Variants in DNAAF11 observed in about 807,000 individuals in gnomAD.
DNAAF11 encodes leucine rich repeat containing 6.
DNAAF11 carries 45 observed loss-of-function variants against 60.8 expected under a neutral mutation model. The observed-to-expected ratio is 0.74, with a 90% CI of 0.58 to 0.95. The LOEUF (loss-of-function observed/expected upper bound fraction) is 0.95, where lower values mean the gene tolerates loss of function less well. Ranked by LOEUF, DNAAF11 falls within the 40% of genes least tolerant of loss-of-function variation. The probability of loss-of-function intolerance (pLI) is 0.00; values close to 1 mark genes in which losing one functional copy is unlikely to be tolerated. For synonymous variants in DNAAF11, 191 were observed against 183.5 expected (o/e 1.04, Z -0.33); for missense variants, 546 against 546.2 (o/e 1.00, Z 0.00).
Position 132,648,982 on chromosome 8 carries a change from A to C in DNAAF11, c.256+7848T>G, listed in dbSNP as rs574489026. On this transcript the variant is annotated intron_variant, in intron 3 of 11. Transcript: ENST00000620350. ...TGCCATCCCCATCAAGCTACCAATGACTTTCTTCACAGAATTGGAAAAAAC... is the reference window on the plus strand; with the variant it reads ...TGCCATCCCCATCAAGCTACCAATGCCTTTCTTCACAGAATTGGAAAAAAC... Among the ~76,000 whole-genome samples the C allele has an allele frequency of 3.7e-3, 563 of 152,314 alleles. 4 individuals are homozygous for C. The highest frequency in any genetic ancestry group is 6.9e-3 in the Non-Finnish European group (467 of 68,026).
chr8:132,609,558 C>T lies in DNAAF11; in HGVS notation c.1140+608G>A, dbSNP rs1013016771. ...TTCAGCTAAACTGACCTAAGAAGTT[C>T]CAGAGGAACTTCTGTTTCATTGTGA... On this transcript the variant is annotated intron_variant, in intron 10 of 11. Transcript: ENST00000620350. 2.5e-4 allele frequency among the ~76,000 whole-genome samples: 38 copies of T among 152,154 alleles called. 1 individual carries two copies. The highest frequency in any genetic ancestry group is 7.9e-4 in the African/African-American group (33 of 41,514).
At chr8:132,639,985 A>G (rs1207663079) in intron 3 of DNAAF11, among the ~76,000 whole-genome samples, 2 of 152,348 alleles carry the variant, frequency 1.3e-5, no homozygotes, top group African/African-American at 2.4e-5. Flanking sequence ...GGCAATGCCC[A>G]TTAGACATTG....
chr8:132,644,444 G>C (rs889348162), intron 3 of DNAAF11, among the ~76,000 whole-genome samples: 2 of 152,122 alleles, frequency 1.3e-5, no homozygotes, highest in Non-Finnish European at 2.9e-5. Context: ...GGTGATTTCT[G>C]CATTTCCAAC....
rs184541660 is a variant in DNAAF11, at chr8:132,645,945, T to A, written c.257-7838A>T. Reference sequence around the variant, plus strand: ...ATTATCCAGGAGAACTTCCCCAACCTAGCAAGGTAGGACAACATTCAAATC... The same window carrying A: ...ATTATCCAGGAGAACTTCCCCAACCAAGCAAGGTAGGACAACATTCAAATC... On this transcript the variant is annotated intron_variant, in intron 3 of 11. Transcript: ENST00000620350. Among the ~76,000 whole-genome samples the A allele has an allele frequency of 7.5e-4, 114 of 152,280 alleles. 1 individual carries two copies. The highest frequency in any genetic ancestry group is 2.6e-3 in the African/African-American group (109 of 41,564).
chr8:132,637,852 C>T, intron 4 of DNAAF11, 83 bp downstream of exon 4: 1 of 1,173,674 alleles, frequency 8.5e-7, no homozygotes, highest in Non-Finnish European at 1.2e-6. Context: ...AACACATTCA[C>T]TGTTGCTGCC....
the DNAAF11 span, among the ~76,000 whole-genome samples, chr8:132,695,629 A>G: frequency 6.6e-6 from 1 of 152,144 alleles, no homozygotes; most frequent in African/African-American, 2.4e-5. Flanking sequence ...ATAAGTATGA[A>G]ATAATCACCC....
In DNAAF11 at chr8:132,622,679, C is replaced by CT. The variant is rs1391729028; in HGVS notation, c.845dup (p.Lys283GlufsTer12). On this transcript the variant is annotated frameshift_variant, in exon 7 of 12. Transcript: ENST00000620350. LOFTEE classifies it high-confidence loss of function. ...AAGTCCTGGGTGGTTTCACTTTCTT[C>CT]TTTTTTTCACTTAAGATTGGTGGTG... 2 of 1,612,232 alleles carry CT rather than the reference C, an allele frequency of 1.2e-6. No homozygotes were observed. Among genetic ancestry groups the CT allele is most frequent in the Non-Finnish European group, 1.7e-6 (2 of 1,178,660 alleles).
the DNAAF11 span, among the ~76,000 whole-genome samples, chr8:132,685,498 G>A: frequency 4.6e-5 from 7 of 152,202 alleles, no homozygotes; most frequent in South Asian, 8.3e-4. Context: ...ACTGTCAGTC[G>A]TCTTCTTTGA....
At chr8:132,584,128 G>C (rs1815635493) in intron 10 of DNAAF11, among the ~76,000 whole-genome samples, 1 of 152,064 alleles carries the variant, frequency 6.6e-6, no homozygotes, top group Non-Finnish European at 1.5e-5. Context: ...ACTGCCTTTG[G>C]GGTGCTCCTA....
chr8:132,645,147 G>A (rs1009547553), intron 3 of DNAAF11, among the ~76,000 whole-genome samples: 1 of 152,172 alleles, frequency 6.6e-6, no homozygotes, highest in African/African-American at 2.4e-5. Flanking sequence ...CCAGAGGTAG[G>A]ATCAGGCAGC....
At chr8:132,682,456 G>A in the DNAAF11 span, among the ~76,000 whole-genome samples, 2 of 152,126 alleles carry the variant, frequency 1.3e-5, no homozygotes, top group African/African-American at 4.8e-5. Context: ...ATGCCACAAG[G>A]AACAGAAAAA....
upstream of DNAAF11, among the ~76,000 whole-genome samples, chr8:132,676,596 C>G (rs538309735): frequency 2.6e-5 from 4 of 151,488 alleles, no homozygotes; most frequent in African/African-American, 9.8e-5. Context: ...ATTTTTCTAG[C>G]GAATAGCTGT....
intron 10 of DNAAF11, among the ~76,000 whole-genome samples, chr8:132,598,191 C>T (rs1355583103): frequency 6.6e-6 from 1 of 152,164 alleles, no homozygotes; most frequent in Non-Finnish European, 1.5e-5. Context: ...TAAATAGTAG[C>T]TATGTCTTTG....
chr8:132,657,690 T>C (rs1823717247), intron 2 of DNAAF11, among the ~76,000 whole-genome samples: 1 of 152,232 alleles, frequency 6.6e-6, no homozygotes, highest in African/African-American at 2.4e-5. Flanking sequence ...ATGGGGCCTT[T>C]GAAAAATAGT....
At chr8:132,580,661 A>T (rs956457751) in intron 11 of DNAAF11, among the ~76,000 whole-genome samples, 6 of 152,240 alleles carry the variant, frequency 3.9e-5, no homozygotes, top group Non-Finnish European at 7.3e-5. Flanking sequence ...AATTAATAAA[A>T]CATTGGTATG....
At chr8:132,629,395 T>C (rs1820587054) in intron 5 of DNAAF11, among the ~76,000 whole-genome samples, 1 of 151,570 alleles carries the variant, frequency 6.6e-6, no homozygotes, top group Non-Finnish European at 1.5e-5. Flanking sequence ...TTGCCCAGGC[T>C]GGAGTGCAGT....
At chr8:132,658,540 C>T (rs570033716) in intron 2 of DNAAF11, among the ~76,000 whole-genome samples, 92 of 152,262 alleles carry the variant, frequency 6.0e-4, no homozygotes, top group Admixed American at 3.3e-3. Flanking sequence ...CCAGGATGGT[C>T]TCGATCTCCT....
chr8:132,682,344 G>A, the DNAAF11 span, among the ~76,000 whole-genome samples: 1 of 152,158 alleles, frequency 6.6e-6, no homozygotes, highest in African/African-American at 2.4e-5. Context: ...CAGCCTTTCA[G>A]CCCTTCCTGC....
intron 5 of DNAAF11, among the ~76,000 whole-genome samples, chr8:132,626,098 G>A (rs1820253149): frequency 6.6e-6 from 1 of 151,000 alleles, no homozygotes; most frequent in South Asian, 2.1e-4. Flanking sequence ...CGCCCAGGCT[G>A]GAGTGCAGTG....
Sources: allele counts gnomAD v4.1 joint callset (sites outside exome capture counted in the v4.1 genomes callset), GRCh38; gene constraint gnomAD v4.1.1; transcripts MANE v1.5; gene names NCBI Gene and HGNC (gene_info 2026-07-23, HGNC 2026-07-21).